Variants in KLF8 observed in about 807,000 individuals in gnomAD.
KLF8 encodes the protein KLF transcription factor 8.
A neutral mutation model predicts 18.2 loss-of-function variants in KLF8; 10 were observed. The observed-to-expected ratio is 0.55, with a 90% CI of 0.34 to 0.93. The LOEUF (loss-of-function observed/expected upper bound fraction) is 0.93. Ranked by LOEUF, KLF8 falls within the 40% of genes least tolerant of loss-of-function variation. KLF8 has a pLI of 0.02. For missense variants in KLF8, 264 were observed against 277.9 expected (o/e 0.95, Z 0.36); for synonymous variants, 109 against 97.3 (o/e 1.12, Z -0.71).
the KLF8 span, among the ~76,000 whole-genome samples, chrX:56,188,207 A>ACCAG: frequency 9.1e-6 from 1 of 110,393 alleles, no homozygotes; most frequent in Non-Finnish European, 1.9e-5. Context: ...TACAAAAATC[A>ACCAG]CATTCTTATA....
chrX:55,927,286 C>T, the KLF8 span, among the ~76,000 whole-genome samples: 5 of 111,913 alleles, frequency 4.5e-5, no homozygotes, highest in Admixed American at 3.8e-4. Flanking sequence ...GCAACTCCTC[C>T]GTTGTGACAA....
chrX:56,190,145 G>T, the KLF8 span, among the ~76,000 whole-genome samples: 1 of 111,214 alleles, frequency 9.0e-6, no homozygotes, highest in East Asian at 2.8e-4. Context: ...AAATTATATT[G>T]CATGCCATTG....
At chrX:55,968,761 C>T in the KLF8 span, among the ~76,000 whole-genome samples, 1 of 111,851 alleles carries the variant, frequency 8.9e-6, no homozygotes, top group African/African-American at 3.2e-5. Context: ...GAGGCCTCCC[C>T]AGCTATGTGG....
the KLF8 span, among the ~76,000 whole-genome samples, chrX:56,017,339 T>A: frequency 8.9e-6 from 1 of 112,285 alleles, no homozygotes; most frequent in African/African-American, 3.2e-5. Context: ...GCCTAGAACA[T>A]GGCCTCCTTG....
the KLF8 span, among the ~76,000 whole-genome samples, chrX:56,177,775 G>T: frequency 1.8e-5 from 2 of 111,486 alleles, no homozygotes; most frequent in Non-Finnish European, 3.8e-5. Context: ...CAGCCACTTT[G>T]TTTACCTACT....
chrX:56,080,085 G>A, the KLF8 span, among the ~76,000 whole-genome samples: 1 of 111,156 alleles, frequency 9.0e-6, no homozygotes, highest in African/African-American at 3.3e-5. Context: ...ACCCTGATGG[G>A]TCTTGACTCT....
At chrX:55,937,981 C>G in the KLF8 span, among the ~76,000 whole-genome samples, 1 of 111,713 alleles carries the variant, frequency 9.0e-6, no homozygotes, top group South Asian at 3.8e-4. Flanking sequence ...CTTCCCCAAT[C>G]TAGCAAGGCA....
the KLF8 span, among the ~76,000 whole-genome samples, chrX:56,015,543 G>T: frequency 8.9e-6 from 1 of 112,237 alleles, no homozygotes; most frequent in South Asian, 3.7e-4. Flanking sequence ...TTAGGTCACT[G>T]GTGGTTTTCC....
intron 2 of KLF8, among the ~76,000 whole-genome samples, chrX:56,257,643 G>A (rs1487776848): frequency 8.9e-6 from 1 of 111,831 alleles, no homozygotes. Flanking sequence ...ATTCCCTTAG[G>A]AGAATAGCCT....
the KLF8 span, among the ~76,000 whole-genome samples, chrX:56,076,955 G>C: frequency 8.9e-6 from 1 of 111,836 alleles, no homozygotes; most frequent in African/African-American, 3.3e-5. Context: ...AGAAGTGTCT[G>C]TTCATGTCCT....
At chrX:55,985,443 C>A in the KLF8 span, among the ~76,000 whole-genome samples, 1 of 111,201 alleles carries the variant, frequency 9.0e-6, no homozygotes, top group Non-Finnish European at 1.9e-5. Flanking sequence ...AGTAGATGTT[C>A]TGTCTTATTT....
chrX:56,062,281 G>T, the KLF8 span, among the ~76,000 whole-genome samples: 1 of 111,058 alleles, frequency 9.0e-6, no homozygotes, highest in African/African-American at 3.3e-5. Flanking sequence ...AATTTGGCAG[G>T]TTTTTATAGT....
the KLF8 span, among the ~76,000 whole-genome samples, chrX:56,031,684 A>G: frequency 1.8e-5 from 2 of 111,776 alleles, no homozygotes; most frequent in Non-Finnish European, 3.8e-5. Flanking sequence ...GCTGTCCATC[A>G]GTCACCTCGT....
At chrX:55,977,681 T>A in the KLF8 span, among the ~76,000 whole-genome samples, 4 of 111,823 alleles carry the variant, frequency 3.6e-5, no homozygotes, top group Admixed American at 9.6e-5. Context: ...CTGGCTAAAG[T>A]TGACTTAAAT....
the KLF8 span, among the ~76,000 whole-genome samples, chrX:56,199,767 A>G: frequency 8.9e-6 from 1 of 111,816 alleles, no homozygotes; most frequent in African/African-American, 3.3e-5. Context: ...TGCTTCTATA[A>G]AGACACATGC....
the KLF8 span, among the ~76,000 whole-genome samples, chrX:56,087,859 C>A: frequency 9.1e-6 from 1 of 110,392 alleles, no homozygotes; most frequent in Admixed American, 9.7e-5. Flanking sequence ...ATAATCTGCA[C>A]GCTGTTATTG....
the KLF8 span, among the ~76,000 whole-genome samples, chrX:56,023,761 A>C: frequency 1.4e-3 from 152 of 111,691 alleles, 1 homozygote; most frequent in African/African-American, 4.5e-3. Context: ...TTTATGGAAG[A>C]AAATATTTTT....
chrX:55,931,722 C>T, the KLF8 span, among the ~76,000 whole-genome samples: 260 of 111,635 alleles, frequency 2.3e-3, 1 homozygote, highest in African/African-American at 8.1e-3. Flanking sequence ...TTGATTGCAC[C>T]GTGGTCTGAG....
chrX:56,075,194 T>G, the KLF8 span, among the ~76,000 whole-genome samples: 1 of 110,820 alleles, frequency 9.0e-6, no homozygotes, highest in Non-Finnish European at 1.9e-5. Flanking sequence ...TTCATTCTTT[T>G]TGATGCTATT....
Sources: allele counts gnomAD v4.1 joint callset (sites outside exome capture counted in the v4.1 genomes callset), GRCh38; gene constraint gnomAD v4.1.1; transcripts MANE v1.5; gene names NCBI Gene and HGNC (gene_info 2026-07-23, HGNC 2026-07-21).